The following ZNF331 variants were observed in gnomAD, a reference collection of about 807,000 sequenced individuals.
ZNF331 encodes zinc finger protein 331.
A neutral mutation model predicts 7.0 loss-of-function variants in ZNF331; 2 were observed. That is an observed-to-expected ratio of 0.29 (90% CI 0.12 to 0.90). The LOEUF is 0.90. Ranked by LOEUF, ZNF331 falls within the 40% of genes least tolerant of loss-of-function variation. ZNF331 has a pLI of 0.58. For synonymous variants in ZNF331, 196 were observed against 205.4 expected (o/e 0.95, Z 0.39); for missense variants, 432 against 587.7 (o/e 0.74, Z 2.74).
intron 2 of ZNF331, among the ~76,000 whole-genome samples, chr19:53,549,878 C>G (rs2088873095): frequency 6.6e-6 from 1 of 151,950 alleles, no homozygotes; most frequent in Admixed American, 6.6e-5. Flanking sequence ...TAAGTATTTA[C>G]TGCTATAAAC....
In ZNF331 at chr19:53,558,890, A is replaced by C. The variant is rs375501974; in HGVS notation, c.-74+2982A>C. Among the ~76,000 whole-genome samples, 1 of 146,746 alleles carries C rather than the reference A, an allele frequency of 6.8e-6. No homozygotes were observed. The highest frequency in any genetic ancestry group is 2.6e-5 in the African/African-American group (1 of 38,920). On this transcript the variant is annotated intron_variant, in intron 3 of 5. Coordinates refer to ENST00000449416, the MANE Select transcript of ZNF331 (RefSeq NM_001079906.2). This position sits in a 1 kb window ranked among gnomAD's most constrained non-coding sequence, Gnocchi z 4.5. The stretch of plus-strand genomic sequence containing the variant: ...ACACACATACCCCATATATACACAC[A>C]TATACACACCTATACACACCTACAT...
chr19:53,566,476 C>T (rs1267244280), intron 3 of ZNF331, among the ~76,000 whole-genome samples: 10 of 152,214 alleles, frequency 6.6e-5, no homozygotes, highest in African/African-American at 2.2e-4. Flanking sequence ...TATGGTAGTG[C>T]AAGGTTTTGA....
chr19:53,507,715 G>A, the ZNF331 span, among the ~76,000 whole-genome samples: 1 of 152,116 alleles, frequency 6.6e-6, no homozygotes, highest in African/African-American at 2.4e-5. Flanking sequence ...GGTCAGACTT[G>A]GGGCCAGGTG....
rs987573412 is a variant in ZNF331 at position 53,573,772 on chromosome 19, T to C, written c.136+2042T>C. On this transcript the variant is annotated intron_variant, in intron 5 of 5. Transcript: ENST00000449416. This position sits in a 1 kb window ranked among gnomAD's most constrained non-coding sequence, Gnocchi z 4.2. ...GCGTGAGCCACTGCACCTGGCTCAA[T>C]AGCATTTTGACTTCTGGTTGTTATA... is the stretch of plus-strand genomic sequence containing the variant. Among the ~76,000 whole-genome samples, 1 of 152,126 alleles carries C rather than the reference T, an allele frequency of 6.6e-6. No homozygotes were observed. The highest frequency in any genetic ancestry group is 1.5e-5 in the Non-Finnish European group (1 of 68,020).
At chr19:53,513,255 C>T in the ZNF331 span, among the ~76,000 whole-genome samples, 141 of 151,810 alleles carry the variant, frequency 9.3e-4, no homozygotes, top group Non-Finnish European at 1.5e-3. Flanking sequence ...TTGGCTGATG[C>T]GAATAACACT....
At chr19:53,536,462 C>T (rs1420683491), upstream of ZNF331, 2 of 152,192 alleles carry the variant, frequency 1.3e-5, no homozygotes, top group Admixed American at 6.5e-5. Flanking sequence ...CCATTTTAAC[C>T]TACCCTTTTC....
At chr19:53,568,170 G>A (rs767702690) in intron 3 of ZNF331, among the ~76,000 whole-genome samples, 9 of 151,676 alleles carry the variant, frequency 5.9e-5, no homozygotes, top group East Asian at 3.9e-4. Context: ...GCTTGAACCC[G>A]GGAGGCAGAG....
intron 2 of ZNF331, among the ~76,000 whole-genome samples, chr19:53,551,144 A>T (rs2088982630): frequency 6.6e-6 from 1 of 152,094 alleles, no homozygotes; most frequent in Non-Finnish European, 1.5e-5. Context: ...CATTTTTTAA[A>T]ATTAGGACTC....
intron 2 of ZNF331, among the ~76,000 whole-genome samples, chr19:53,542,637 G>A (rs1438232380): frequency 6.6e-6 from 1 of 152,148 alleles, no homozygotes; most frequent in South Asian, 2.1e-4. Flanking sequence ...GCAGAACAAT[G>A]TCTCTGTCCC....
intron 5 of ZNF331, among the ~76,000 whole-genome samples, chr19:53,575,389 C>G (rs991931766): frequency 1.3e-5 from 2 of 151,248 alleles, no homozygotes; most frequent in Admixed American, 6.6e-5. Context: ...TGCTCAAGTT[C>G]TAAACTTTTC....
Position 53,577,950 on chromosome 19 carries a change from TGAA to T in ZNF331, c.*1_*3del, listed in dbSNP as rs1333476907. The T allele has an allele frequency of 4.4e-6, 7 of 1,608,284 alleles. No individual in the cohort carries two copies. The South Asian group carries it at 5.5e-5, about 13-fold the overall frequency. ...AGAACATCAGAGGATCCACAACAGTTGAAGAGCCTTTTGAACGCAGTAGCCCGC... is the reference window on the plus strand; with the variant it reads ...AGAACATCAGAGGATCCACAACAGTTGAGCCTTTTGAACGCAGTAGCCCGC... On this transcript the variant is annotated stop_retained_variant and 3_prime_UTR_variant, in exon 6 of 6. Transcript: ENST00000449416.
In ZNF331 at chr19:53,577,105, C is replaced by A. The variant is rs1430205348; in HGVS notation, c.545C>A (p.Thr182Asn). ...NQLTQHQKIH[T>N]GEKPYECKDC... Reference sequence around the variant, plus strand: ...CTTACTCAACATCAAAAAATTCATACTGGGGAGAAGCCCTACGAATGTAAA... The same window carrying A: ...CTTACTCAACATCAAAAAATTCATAATGGGGAGAAGCCCTACGAATGTAAA... Residue 182 changes from threonine (T) to asparagine (N), a missense_variant, in exon 6 of 6, where the codon ACT becomes AAT. By Grantham distance (65) the Thr-to-Asn change is moderately conservative (BLOSUM62 0). This residue lies in a region of ZNF331 where 312 missense variants were observed against 448.6 expected (regional missense o/e 0.70). Coordinates refer to ENST00000449416, the MANE Select transcript of ZNF331 (RefSeq NM_001079906.2). 3.1e-6 allele frequency: 5 copies of A among 1,613,908 alleles called. No individual in the cohort carries two copies. The highest frequency in any genetic ancestry group is 4.2e-6 in the Non-Finnish European group (5 of 1,180,000).
rs1056134707 is a variant in ZNF331 at position 53,538,199 on chromosome 19, C to T, written c.-302C>T. On this transcript the variant is annotated 5_prime_UTR_variant, in exon 1 of 6. Transcript: ENST00000449416. ...GGCGGCCCTGTCCCCGTAACTGTGA[C>T]ACGGGTGCACGCGAGCGTCATTGGG... The T allele has an allele frequency of 5.3e-5, 8 of 152,286 alleles. No individual in the cohort carries two copies. Among genetic ancestry groups the T allele is most frequent in the Middle Eastern group, 3.4e-3 (1 of 294 alleles). 9.4% of individuals were successfully genotyped at this position (152,286 alleles called of 1,614,324 possible).
rs1234535536 is a variant in ZNF331, at chr19:53,571,566, C to A, written c.10-38C>A. On this transcript the variant is annotated intron_variant, in intron 4 of 5. Transcript: ENST00000449416. This position sits in a 1 kb window ranked among gnomAD's most constrained non-coding sequence, Gnocchi z 4.7. ...GTCTCCTTCATCTGGAAGCTGTTTC[C>A]TTTCATTTCATCATGCACGTGTGGG... 1.3e-6 allele frequency: 2 copies of A among 1,571,692 alleles called. No individual in the cohort carries two copies. The highest frequency in any genetic ancestry group is 4.5e-5 in the East Asian group (2 of 44,628).
upstream of ZNF331, among the ~76,000 whole-genome samples, chr19:53,533,249 C>T (rs7249612): frequency 9.4e-3 from 1,437 of 152,172 alleles, 26 homozygotes; most frequent in African/African-American, 0.032. Flanking sequence ...TCTTCCTTGA[C>T]CTACTGGTAC....
At chr19:53,519,656 C>T (rs1453901675), upstream of ZNF331, among the ~76,000 whole-genome samples, 1 of 152,222 alleles carries the variant, frequency 6.6e-6, no homozygotes. Context: ...CAAGGTAACA[C>T]TCACAGAGAC....
intron 3 of ZNF331, among the ~76,000 whole-genome samples, chr19:53,567,951 C>T (rs73051568): frequency 0.055 from 8,402 of 151,962 alleles, 243 homozygotes; most frequent in Non-Finnish European, 0.066. Flanking sequence ...TTGTCATCAC[C>T]CAAGGAAAGA....
At chr19:53,534,294 C>CT (rs370366842), upstream of ZNF331, among the ~76,000 whole-genome samples, 366 of 147,278 alleles carry the variant, frequency 2.5e-3, 2 homozygotes, top group African/African-American at 7.8e-3. Context: ...CCCCATCCTA[C>CT]TTTTTTTTTT....
chr19:53,568,459 G>C (rs908677318), intron 3 of ZNF331, among the ~76,000 whole-genome samples: 2 of 152,118 alleles, frequency 1.3e-5, no homozygotes, highest in South Asian at 2.1e-4. Context: ...TGACTGGTTG[G>C]TGGATTAACT....
Sources: gnomAD v4.1 joint callset for allele counts (sites outside exome capture counted in the v4.1 genomes callset) on GRCh38, gnomAD v4.1.1 for gene constraint, gnomAD v4.1.1 regional missense constraint, Gnocchi (gnomAD v3.1) non-coding constraint, MANE v1.5 for transcripts, NCBI Gene and HGNC (gene_info 2026-07-23, HGNC 2026-07-21) for gene names.